The following HECW2 variants were observed in gnomAD, a reference collection of about 807,000 sequenced individuals.
HECW2 encodes HECT, C2 and WW domain containing E3 ubiquitin protein ligase 2, also known as E3 ubiquitin-protein ligase HECW2.
HECW2 carries 61 observed loss-of-function variants against 175.2 expected under a neutral mutation model. That is an observed-to-expected ratio of 0.35 (90% confidence interval 0.28 to 0.43). HECW2 has a LOEUF of 0.43. Among genes scored for constraint, HECW2 ranks in the 20% least tolerant of loss-of-function variants. The pLI is 1.00. For synonymous variants in HECW2, 671 were observed against 731.0 expected (o/e 0.92, Z 1.32); for missense variants, 1,524 against 2,000.5 (o/e 0.76, Z 4.54).
chr2:196,249,081 G>A (rs547177411), intron 19 of HECW2, among the ~76,000 whole-genome samples: 1 of 152,242 alleles, frequency 6.6e-6, no homozygotes, highest in East Asian at 1.9e-4. Flanking sequence ...CAGCAAATAG[G>A]GGGTCAAACA....
At chr2:196,298,134 G>T (rs188753277) in intron 13 of HECW2, among the ~76,000 whole-genome samples, 110 of 152,212 alleles carry the variant, frequency 7.2e-4, no homozygotes, top group African/African-American at 2.6e-3. Context: ...TAATTATTTG[G>T]CACGTATGTT....
intron 14 of HECW2, chr2:196,289,115 C>T (rs998089238): frequency 6.6e-6 from 1 of 152,248 alleles, no homozygotes; most frequent in African/African-American, 2.4e-5. Flanking sequence ...CAATGGTACA[C>T]ACCTCAGAAG....
intron 1 of HECW2, among the ~76,000 whole-genome samples, chr2:196,439,524 T>C (rs1381056774): frequency 6.6e-6 from 1 of 152,274 alleles, no homozygotes; most frequent in South Asian, 2.1e-4. Context: ...AACTCAACCG[T>C]AGCTTTTATA....
intron 5 of HECW2, among the ~76,000 whole-genome samples, chr2:196,328,993 G>A (rs912757132): frequency 2.0e-5 from 3 of 150,824 alleles, no homozygotes; most frequent in Non-Finnish European, 4.4e-5. Context: ...GGTAAACTCT[G>A]ACATTATTCT....
intron 13 of HECW2, among the ~76,000 whole-genome samples, chr2:196,300,021 T>C (rs983102907): frequency 2.0e-5 from 3 of 152,192 alleles, no homozygotes; most frequent in African/African-American, 7.2e-5. Context: ...GAGGAACTTG[T>C]ATGAAGACGG....
chr2:196,454,927 C>T (rs1315087260), intron 1 of HECW2, among the ~76,000 whole-genome samples: 1 of 151,980 alleles, frequency 6.6e-6, no homozygotes, highest in Non-Finnish European at 1.5e-5. Context: ...TAAGTGTGTA[C>T]TTATTATATG....
chr2:196,259,945 A>G (rs1258266015), intron 17 of HECW2: 1 of 152,256 alleles, frequency 6.6e-6, no homozygotes, highest in Non-Finnish European at 1.5e-5. Context: ...CTATCAACAC[A>G]GTGAATCCAG....
At chr2:196,327,978 T>C (rs1692216204) in intron 5 of HECW2, among the ~76,000 whole-genome samples, 1 of 152,162 alleles carries the variant, frequency 6.6e-6, no homozygotes, top group Non-Finnish European at 1.5e-5. Context: ...CTTAGAATGA[T>C]ACGGATCACC....
chr2:196,544,685 T>C (rs755669658), intron 1 of HECW2, among the ~76,000 whole-genome samples: 13 of 152,212 alleles, frequency 8.5e-5, no homozygotes, highest in Non-Finnish European at 4.4e-5. Context: ...AGAGTATTTC[T>C]ATTAAACACA....
At chr2:196,515,800 A>C (rs1688125673) in intron 1 of HECW2, among the ~76,000 whole-genome samples, 1 of 152,086 alleles carries the variant, frequency 6.6e-6, no homozygotes, top group Non-Finnish European at 1.5e-5. Flanking sequence ...CCCTTCCACA[A>C]AACTGGTTTT....
intron 2 of HECW2, among the ~76,000 whole-genome samples, chr2:196,407,264 C>A (rs1694990738): frequency 6.6e-6 from 1 of 151,112 alleles, no homozygotes; most frequent in Admixed American, 6.6e-5. Context: ...ACCTCTACCT[C>A]CTGGACTCAG....
chr2:196,389,021 G>A (rs1294403173), intron 2 of HECW2, among the ~76,000 whole-genome samples: 1 of 152,154 alleles, frequency 6.6e-6, no homozygotes. Context: ...CAACAGAAAA[G>A]CTATATAGTT....
chr2:196,455,724 G>T (rs1696489338), intron 1 of HECW2, among the ~76,000 whole-genome samples: 1 of 151,852 alleles, frequency 6.6e-6, no homozygotes, highest in Non-Finnish European at 1.5e-5. Flanking sequence ...TTTTAATAAA[G>T]ACCACAGTAA....
chr2:196,356,603 C>T (rs185377959), intron 2 of HECW2, among the ~76,000 whole-genome samples: 103 of 152,186 alleles, frequency 6.8e-4, no homozygotes, highest in African/African-American at 2.2e-3. Context: ...TATCTCATCA[C>T]GCAGGCATTT....
chr2:196,583,479 T>C (rs1690866712), intron 1 of HECW2, among the ~76,000 whole-genome samples: 1 of 152,246 alleles, frequency 6.6e-6, no homozygotes, highest in Non-Finnish European at 1.5e-5. Flanking sequence ...TCAATAAGTC[T>C]GGTGTGGTGC....
intron 2 of HECW2, among the ~76,000 whole-genome samples, chr2:196,352,347 T>C (rs965969606): frequency 6.6e-6 from 1 of 151,898 alleles, no homozygotes; most frequent in African/African-American, 2.4e-5. Context: ...CATTACTGGG[T>C]AGAAAAAAAC....
At chr2:196,340,870 C>T (rs773362644) in intron 3 of HECW2, among the ~76,000 whole-genome samples, 5 of 151,564 alleles carry the variant, frequency 3.3e-5, no homozygotes, top group East Asian at 1.9e-4. Flanking sequence ...AATTATGCTC[C>T]GCAATACTCC....
chr2:196,368,217 A>G (rs1305511274), intron 2 of HECW2, among the ~76,000 whole-genome samples: 1 of 152,114 alleles, frequency 6.6e-6, no homozygotes, highest in African/African-American at 2.4e-5. Context: ...TAGTGGTTGT[A>G]CTAATTTACA....
intron 1 of HECW2, among the ~76,000 whole-genome samples, chr2:196,478,015 G>T (rs1317457909): frequency 6.6e-6 from 1 of 152,134 alleles, no homozygotes; most frequent in Non-Finnish European, 1.5e-5. Flanking sequence ...TCATGCCACT[G>T]CACTCCAGCC....
Sources: gnomAD v4.1 joint callset for allele counts (sites outside exome capture counted in the v4.1 genomes callset) on GRCh38, gnomAD v4.1.1 for gene constraint, MANE v1.5 for transcripts, NCBI Gene and HGNC (gene_info 2026-07-23, HGNC 2026-07-21) for gene names.